Variants in MRPS27 observed in about 807,000 individuals in gnomAD.
MRPS27 encodes the protein small ribosomal subunit protein mS27.
Under a neutral mutation model 48.9 loss-of-function variants are expected in MRPS27, and 43 were observed. The ratio of observed to expected loss-of-function variants is 0.88; its 90% CI spans 0.69 to 1.13. MRPS27 has a LOEUF of 1.13. Among genes scored for constraint, MRPS27 ranks in the 50% most tolerant of loss-of-function variants. The probability of loss-of-function intolerance (pLI) is 0.00; values close to 1 mark genes in which losing one functional copy is unlikely to be tolerated. For synonymous variants in MRPS27, 188 were observed against 171.9 expected, an observed-to-expected ratio of 1.09 and a Z score of -0.73; for missense variants, 467 against 476.3, an observed-to-expected ratio of 0.98 and a Z score of 0.18.
At position 72,219,840 on chromosome 5, in the gene MRPS27, A is replaced by C. The variant is rs953315658; in HGVS notation, c.*1069T>G. On this transcript the variant is annotated 3_prime_UTR_variant, in exon 11 of 11. Coordinates refer to ENST00000261413, the MANE Select transcript of MRPS27 (RefSeq NM_015084.3). ...AAAAGGCTCATTTTACCTACTTGATAAATGAGCTGAGACGATGTTTTGGGA... is the reference window on the plus strand; with the variant it reads ...AAAAGGCTCATTTTACCTACTTGATCAATGAGCTGAGACGATGTTTTGGGA... The C allele has an allele frequency of 6.6e-6, 1 of 152,438 alleles. No individual in the cohort carries two copies. The highest frequency in any genetic ancestry group is 2.4e-5 in the African/African-American group (1 of 41,456). 9.4% of individuals were successfully genotyped at this position (152,438 alleles called of 1,614,324 possible).
chr5:72,295,282 A>G (rs1293244352), intron 4 of MRPS27: 6 of 343,802 alleles, frequency 1.7e-5, no homozygotes, highest in Non-Finnish European at 3.1e-5. Context: ...CAATTATAAC[A>G]TCGTATACAA....
chr5:72,229,809 C>T (rs72647244), intron 7 of MRPS27, among the ~76,000 whole-genome samples: 10,949 of 152,284 alleles, frequency 0.072, 617 homozygotes, highest in East Asian at 0.3. Context: ...GCTGCTGGAA[C>T]TACTGCTGCT....
rs116040894 is a variant in MRPS27, at chr5:72,234,106, G to C, written c.475+13C>G. On this transcript the variant is annotated intron_variant, in intron 6 of 10. Transcript: ENST00000261413. ...AAGCCCTATAAACACTGAATCTGGG[G>C]TTAGTTTCTTACCTTTGTAATTTTC... The C allele has an allele frequency of 8.9e-4, 1,336 of 1,495,276 alleles. 5 individuals carry two copies. In the African/African-American group the frequency reaches 0.017, roughly 19 times the overall value. 92.6% of individuals were successfully genotyped at this position (1,495,276 alleles called of 1,614,324 possible). A position where few individuals can be genotyped will look rare whatever the true frequency, so the allele number is the denominator to read the frequency against.
intron 4 of MRPS27, among the ~76,000 whole-genome samples, chr5:72,277,102 CAT>C (rs1439070846): frequency 2.6e-5 from 4 of 151,908 alleles, no homozygotes; most frequent in African/African-American, 7.2e-5. Context: ...AGCCAACAAA[CAT>C]ATGAAAAAAA....
chr5:72,293,705 T>C (rs1179073541), intron 4 of MRPS27, among the ~76,000 whole-genome samples: 1 of 152,224 alleles, frequency 6.6e-6, no homozygotes, highest in African/African-American at 2.4e-5. Flanking sequence ...GCTGAGTCAC[T>C]GAAATCAATT....
intron 4 of MRPS27, among the ~76,000 whole-genome samples, chr5:72,239,117 CTT>C (rs767635434): frequency 1.3e-5 from 2 of 152,092 alleles, no homozygotes; most frequent in Admixed American, 1.3e-4. Flanking sequence ...AAATCAAACT[CTT>C]TTTCTTAAAA....
intron 4 of MRPS27, among the ~76,000 whole-genome samples, chr5:72,282,385 T>G (rs1362759939): frequency 6.6e-6 from 1 of 152,180 alleles, no homozygotes; most frequent in East Asian, 1.9e-4. Flanking sequence ...TGCGTTACAC[T>G]TAAAACCCTA....
chr5:72,251,912 C>G (rs1427835207), intron 4 of MRPS27, among the ~76,000 whole-genome samples: 2 of 152,132 alleles, frequency 1.3e-5, no homozygotes, highest in African/African-American at 4.8e-5. Context: ...CACTGGCAAC[C>G]TGAAAGGAGT....
In MRPS27 at chr5:72,277,581, C is replaced by A. The variant is rs139452248; in HGVS notation, c.281+17950G>T. Among the ~76,000 whole-genome samples, 962 of 151,704 alleles carry A rather than the reference C, an allele frequency of 6.3e-3. 12 individuals are homozygous for A. The highest frequency in any genetic ancestry group is 0.022 in the African/African-American group (916 of 41,326). On this transcript the variant is annotated intron_variant, in intron 4 of 10. Transcript: ENST00000261413. ...ATCTTGCCACTGCACTCCAGCCTGG[C>A]CACAGAGTGAGACTCCGTCTCAAAA...
chr5:72,225,831 T>G (rs915103372), intron 9 of MRPS27, among the ~76,000 whole-genome samples: 6 of 152,134 alleles, frequency 3.9e-5, no homozygotes, highest in African/African-American at 1.4e-4. Context: ...AATAGTTTTT[T>G]TTTCCTAGAC....
At chr5:72,314,024 T>C in intron 2 of MRPS27, 57 bp downstream of exon 2, 1 of 1,193,752 alleles carries the variant, frequency 8.4e-7, no homozygotes, top group South Asian at 1.3e-5. Context: ...GAATAAATGA[T>C]GGAAGACATA....
At chr5:72,283,732 A>G (rs80321138) in intron 4 of MRPS27, among the ~76,000 whole-genome samples, 2 of 148,014 alleles carry the variant, frequency 1.4e-5, no homozygotes, top group South Asian at 2.1e-4. Context: ...GTGTACGTAC[A>G]AAAAAAAAAG....
intron 3 of MRPS27, among the ~76,000 whole-genome samples, chr5:72,296,610 AC>A (rs1749988688): frequency 6.6e-6 from 1 of 152,226 alleles, no homozygotes; most frequent in Admixed American, 6.5e-5. Context: ...CAGAAGTTTT[AC>A]CCATCATGTA....
intron 2 of MRPS27, among the ~76,000 whole-genome samples, chr5:72,306,794 A>G (rs1318433933): frequency 6.6e-6 from 1 of 152,244 alleles, no homozygotes; most frequent in Non-Finnish European, 1.5e-5. Flanking sequence ...CAAAGTACAT[A>G]TAAAAAAACC....
chr5:72,281,668 A>T (rs138462871), intron 4 of MRPS27, among the ~76,000 whole-genome samples: 98 of 152,358 alleles, frequency 6.4e-4, no homozygotes, highest in African/African-American at 2.2e-3. Context: ...AGGCACATTC[A>T]GAGAACAGTA....
intron 4 of MRPS27, among the ~76,000 whole-genome samples, chr5:72,263,748 A>G (rs997298894): frequency 3.9e-5 from 6 of 152,094 alleles, no homozygotes; most frequent in Non-Finnish European, 8.8e-5. Flanking sequence ...AGAAAAATGG[A>G]AAAGTATTGG....
intron 7 of MRPS27, 130 bp downstream of exon 7, chr5:72,232,313 T>C: frequency 1.8e-6 from 1 of 567,614 alleles, no homozygotes; most frequent in African/African-American, 2.0e-5. Context: ...AACCAAAATG[T>C]ATACAATAAA....
chr5:72,295,207 G>A (rs550634661), intron 4 of MRPS27: 43 of 176,066 alleles, frequency 2.4e-4, no homozygotes, highest in African/African-American at 9.4e-4. Flanking sequence ...TGTCAATAGC[G>A]ATTAAAACTA....
intron 4 of MRPS27, among the ~76,000 whole-genome samples, chr5:72,276,021 G>A (rs1022138268): frequency 4.1e-5 from 6 of 148,006 alleles, no homozygotes; most frequent in Middle Eastern, 3.5e-3. Flanking sequence ...GGAGAAAAAT[G>A]TGTGTGTGTG....
Sources: allele counts gnomAD v4.1 joint callset (sites outside exome capture counted in the v4.1 genomes callset), GRCh38; gene constraint gnomAD v4.1.1; transcripts MANE v1.5; gene names NCBI Gene and HGNC (gene_info 2026-07-23, HGNC 2026-07-21).